Variants in LAMA1 observed in about 807,000 individuals in gnomAD.
The protein encoded by LAMA1 is laminin subunit alpha-1.
In LAMA1, 219 loss-of-function variants were observed where a neutral mutation model predicts 348.7. The ratio of observed to expected loss-of-function variants is 0.63; its 90% CI spans 0.56 to 0.70. LAMA1 has a LOEUF of 0.70. Ranked by LOEUF, LAMA1 falls within the 30% of genes least tolerant of loss-of-function variation. LAMA1 has a pLI of 0.00. For synonymous variants in LAMA1, 1,487 were observed against 1,491.0 expected, an observed-to-expected ratio of 1.00 and a Z score of 0.06; for missense variants, 3,744 against 3,888.0, an observed-to-expected ratio of 0.96 and a Z score of 0.99.
intron 1 of LAMA1, among the ~76,000 whole-genome samples, chr18:7,116,024 G>A (rs1270276168): frequency 1.3e-5 from 2 of 152,090 alleles, no homozygotes; most frequent in Non-Finnish European, 2.9e-5. Flanking sequence ...GTGAGGGTTG[G>A]TGGGGTGCGG....
Position 7,038,791 on chromosome 18 carries a change from C to CCGT in LAMA1, c.1563+18_1563+19insACG, listed in dbSNP as rs781139025. 8.2e-5 allele frequency: 133 copies of CCGT among 1,613,772 alleles called. No individual in the cohort carries two copies. The highest frequency in any genetic ancestry group is 1.1e-4 in the Non-Finnish European group (130 of 1,180,032). The stretch of plus-strand genomic sequence containing the variant: ...ACGACCTGCTCATTAAATCCCGCCG[C>CCGT]GCAGATGGCGCCTCCCACCTGACCA... On this transcript the variant is annotated intron_variant, in intron 11 of 62. Transcript: ENST00000389658.
intron 23 of LAMA1, among the ~76,000 whole-genome samples, chr18:7,013,410 C>T (rs115167034): frequency 2.8e-3 from 428 of 152,150 alleles, no homozygotes; most frequent in African/African-American, 9.8e-3. Flanking sequence ...GAAGTCTTAC[C>T]TCTTGGGAAA....
At chr18:7,079,934 G>T in intron 3 of LAMA1, 41 bp downstream of exon 3, 2 of 1,396,882 alleles carry the variant, frequency 1.4e-6, no homozygotes, top group Non-Finnish European at 2.0e-6. Context: ...CCACAGCTCA[G>T]CAGCCTGTAG....
intron 3 of LAMA1, among the ~76,000 whole-genome samples, chr18:7,057,821 G>T (rs1439901095): frequency 6.8e-6 from 1 of 147,424 alleles, no homozygotes; most frequent in Non-Finnish European, 1.5e-5. Context: ...TTGAGATAGA[G>T]TCTCACTCTG....
At chr18:6,956,833 C>G in intron 55 of LAMA1, 68 bp from the exon 56 acceptor site, 2 of 1,522,336 alleles carry the variant, frequency 1.3e-6, no homozygotes, top group African/African-American at 2.7e-5. Flanking sequence ...CCCAAGTCAT[C>G]TGATAACTGT....
chr18:6,957,240 C>T (rs16950878), intron 55 of LAMA1: 5,589 of 191,082 alleles, frequency 0.029, 132 homozygotes, highest in East Asian at 0.081. Flanking sequence ...TGCCTGCGCA[C>T]GTCCCCCTGG....
At chr18:7,021,749 TG>T in intron 19 of LAMA1, among the ~76,000 whole-genome samples, 1 of 146,848 alleles carries the variant, frequency 6.8e-6, no homozygotes, top group East Asian at 2.0e-4. Context: ...ATTACATGGG[TG>T]GTTTACATTG....
chr18:7,038,724 C>A lies in LAMA1; in HGVS notation c.1563+86G>T. 4 of 1,568,968 alleles carry A rather than the reference C, an allele frequency of 2.5e-6. No homozygotes were observed. The South Asian group carries it at 4.4e-5, about 17-fold the overall frequency. On this transcript the variant is annotated intron_variant, in intron 11 of 62. Transcript: ENST00000389658. Reference sequence around the variant, plus strand: ...TGAGAGTGGTGTCACGGGAAGTCATCCTCATTTCCTCCTCACACAGCTCGT... The same window carrying A: ...TGAGAGTGGTGTCACGGGAAGTCATACTCATTTCCTCCTCACACAGCTCGT...
chr18:7,017,857 C>T (rs1043016737), intron 19 of LAMA1, among the ~76,000 whole-genome samples: 6 of 151,868 alleles, frequency 4.0e-5, no homozygotes, highest in African/African-American at 1.2e-4. Context: ...AATATGATAT[C>T]CCAGTTCTAA....
At chr18:7,030,550 G>A (rs913452119) in intron 16 of LAMA1, among the ~76,000 whole-genome samples, 1 of 152,082 alleles carries the variant, frequency 6.6e-6, no homozygotes, top group African/African-American at 2.4e-5. Context: ...TATGCAAGAT[G>A]GTAGCATTAG....
rs200570694 is a variant in LAMA1, at chr18:7,032,152, C to A, written c.2188G>T (p.Val730Leu). Residue 730 changes from valine to leucine, a missense_variant, in exon 16 of 63, where the codon GTG (valine) becomes TTG (leucine). Physicochemically the swap from Val to Leu is conservative, Grantham distance 32 (BLOSUM62 1). Coordinates refer to ENST00000389658, the MANE Select transcript of LAMA1 (RefSeq NM_005559.4). ...CESCLSGYYR[V>L]DGILFGGICQ... is the part of the protein sequence containing the mutation. ...ATTCCTCCAAAGAGTATTCCATCCA[C>A]GCGGTAATAGCCAGAGAGGCACGAC... is the stretch of plus-strand genomic sequence containing the variant. The A allele has an allele frequency of 3.7e-6, 6 of 1,613,930 alleles. No individual in the cohort carries two copies. In the African/African-American group the frequency reaches 4.0e-5, roughly 11 times the overall value.
rs74960431 is a variant in LAMA1 at position 6,984,772 on chromosome 18, G to A, written c.5660+465C>T. On this transcript the variant is annotated intron_variant, in intron 39 of 62. Coordinates refer to ENST00000389658, the MANE Select transcript of LAMA1 (RefSeq NM_005559.4). ...AAATAATTGGAGGTGGTATCTCTCA[G>A]GGATTGGAAAAGAGACTCCCAACAC... is the stretch of plus-strand genomic sequence containing the variant. Among the ~76,000 whole-genome samples, 1,160 of 152,304 alleles carry A rather than the reference G, an allele frequency of 7.6e-3. 11 individuals carry two copies. Among genetic ancestry groups the A allele is most frequent in the Non-Finnish European group, 0.013 (860 of 68,022 alleles).
chr18:6,992,372 A>C (rs1441593734), intron 36 of LAMA1, among the ~76,000 whole-genome samples, 189 bp downstream of exon 36: 1 of 152,166 alleles, frequency 6.6e-6, no homozygotes, highest in Non-Finnish European at 1.5e-5. Flanking sequence ...CACAGATTAC[A>C]CCTTTCTATA....
At chr18:6,945,092 G>A (rs990849816) in intron 61 of LAMA1, among the ~76,000 whole-genome samples, 20 of 151,990 alleles carry the variant, frequency 1.3e-4, no homozygotes, top group East Asian at 7.7e-4. Context: ...ATGGGGTGTC[G>A]CTATGTTGCC....
At chr18:6,973,770 G>T (rs1207905111) in intron 46 of LAMA1, among the ~76,000 whole-genome samples, 1 of 152,154 alleles carries the variant, frequency 6.6e-6, no homozygotes, top group East Asian at 1.9e-4. Flanking sequence ...CTTTCTAAAA[G>T]TAACATTCTT....
At position 7,015,830 on chromosome 18, in the gene LAMA1, G is replaced by T. The variant is rs749136570; in HGVS notation, c.3018C>A (p.Thr1006=). ...CACACTCTCCAGTTTCTGGGTCGCA[G>T]GTATTCTGAGTGTGTGGGCAGTCAC... ...TPCDCPHTQN[T]CDPETGECVC... is the part of the protein sequence containing the mutation. Residue 1006 remains threonine (T), a synonymous_variant, in exon 22 of 63, where the codon ACC becomes ACA. Coordinates refer to ENST00000389658, the MANE Select transcript of LAMA1 (RefSeq NM_005559.4). 15 of 1,614,044 alleles carry T rather than the reference G, an allele frequency of 9.3e-6. No homozygotes were observed. The highest frequency in any genetic ancestry group is 1.7e-5 in the Admixed American group (1 of 59,994).
chr18:7,020,979 G>A (rs2144135846), intron 19 of LAMA1, among the ~76,000 whole-genome samples: 1 of 152,282 alleles, frequency 6.6e-6, no homozygotes, highest in African/African-American at 2.4e-5. Flanking sequence ...ACACTGCACA[G>A]GAGACCCTTC....
In LAMA1 at chr18:7,002,267, G is replaced by C; in HGVS notation, c.4379C>G (p.Ala1460Gly). The change falls in exon 30 of 63, where the codon GCC becomes GGC. Residue 1460 changes from alanine to glycine, a missense_variant. Ala to Gly is a moderately conservative substitution (Grantham distance 60). This residue lies in a region of LAMA1 where 1,983 missense variants were observed against 1,934.3 expected (regional missense o/e 1.03). Coordinates refer to ENST00000389658, the MANE Select transcript of LAMA1 (RefSeq NM_005559.4). ...AGCTGCCCCTGTGGGGACTCACCTG[G>C]CAGGAGGGCTGTGAGGACAGGCACA... ...ALCACPHSPP[A>G]SFSPTCVLEG... is the part of the protein sequence containing the mutation. 6.2e-7 allele frequency: 1 copy of C among 1,611,776 alleles called. No individual in the cohort carries two copies. Among genetic ancestry groups the C allele is most frequent in the Non-Finnish European group, 8.5e-7 (1 of 1,179,918 alleles).
intron 1 of LAMA1, among the ~76,000 whole-genome samples, chr18:7,090,520 G>A (rs1223441327): frequency 6.6e-6 from 1 of 152,060 alleles, no homozygotes; most frequent in Non-Finnish European, 1.5e-5. Flanking sequence ...TTGGTTTTTG[G>A]ACTAAACCAA....
Sources: gnomAD v4.1 joint callset for allele counts (sites outside exome capture counted in the v4.1 genomes callset) on GRCh38, gnomAD v4.1.1 for gene constraint, gnomAD v4.1.1 regional missense constraint, MANE v1.5 for transcripts, NCBI Gene and HGNC (gene_info 2026-07-23, HGNC 2026-07-21) for gene names.